Variants in IL32 observed in about 807,000 individuals in gnomAD.
IL32 encodes interleukin 32.
Under a neutral mutation model 16.6 loss-of-function variants are expected in IL32, and 30 were observed. That is an observed-to-expected ratio of 1.81 (90% CI 1.35 to 2.45). The LOEUF is 2.45. Ranked by LOEUF, IL32 falls within the 30% of genes most tolerant of loss-of-function variation. IL32 has a pLI of 0.00. For missense variants in IL32, 234 were observed against 229.8 expected, an observed-to-expected ratio of 1.02 and a Z score of -0.12; for synonymous variants, 70 against 86.1, an observed-to-expected ratio of 0.81 and a Z score of 1.03.
chr16:3,067,637 C>T (rs969298612), intron 4 of IL32, 24 bp downstream of exon 4: 1 of 1,550,964 alleles, frequency 6.4e-7, no homozygotes, highest in Non-Finnish European at 8.9e-7. Context: ...CCCTCAGGCA[C>T]CAGGTCACAT....
intron 6 of IL32, chr16:3,068,640 G>A (rs537690773): frequency 2.4e-4 from 101 of 422,078 alleles, no homozygotes; most frequent in Non-Finnish European, 3.3e-4. Context: ...TGTGGTGTGG[G>A]CAGGGTGTGC....
At position 3,067,575 on chromosome 16, in the gene IL32, T is replaced by C. The variant is rs774782082; in HGVS notation, c.76T>C (p.Tyr26His). 2.6e-5 allele frequency: 42 copies of C among 1,613,870 alleles called. No homozygotes were observed. Among genetic ancestry groups the C allele is most frequent in the Middle Eastern group, 3.3e-4 (2 of 6,084 alleles). The stretch of plus-strand genomic sequence containing the variant: ...ACAGCACCAGGCCATAGAAAGATTT[T>C]ATGATAAAATGCAAAATGCAGAATC... ...ARMHQAIERFYDKMQNAESGR... is the reference protein window; with the variant it reads ...ARMHQAIERFHDKMQNAESGR... Residue 26 changes from tyrosine to histidine, a missense_variant, in exon 4 of 7, where the codon TAT becomes CAT. Tyr to His is a moderately conservative substitution (Grantham distance 83, BLOSUM62 2). Around this residue, in one of 3 missense-constraint regions of IL32, gnomAD observed 137 missense variants for 80.7 expected, o/e 1.70. Coordinates refer to ENST00000525643, the MANE Select transcript of IL32 (RefSeq NM_001376923.1).
Position 3,068,970 on chromosome 16 carries a change from A to C in IL32, c.202-20A>C. On this transcript the variant is annotated intron_variant, in intron 6 of 6. Coordinates refer to ENST00000525643, the MANE Select transcript of IL32 (RefSeq NM_001376923.1). ...TGACACCCCCACCTACAGACCCTGA[A>C]TGGTGCTCCCATTCCACAGGAGCTC... 6.3e-7 allele frequency: 1 copy of C among 1,593,656 alleles called. No homozygotes were observed. Among genetic ancestry groups the C allele is most frequent in the South Asian group, 1.1e-5 (1 of 87,982 alleles).
upstream of IL32, chr16:3,065,519 C>T: frequency 1.1e-5 from 6 of 545,910 alleles, no homozygotes; most frequent in East Asian, 6.2e-5. Flanking sequence ...CTGTCTGTCT[C>T]TGTCTCTGTC....
At chr16:3,067,692 G>C (rs779059587) in intron 4 of IL32, 79 bp downstream of exon 4, 4 of 1,136,804 alleles carry the variant, frequency 3.5e-6, no homozygotes, top group Non-Finnish European at 5.2e-6. Flanking sequence ...CTCAGGGTGA[G>C]AAGGATGAAG....
Position 3,069,379 on chromosome 16 carries a change from T to G in IL32, c.*24T>G. 2 of 1,562,830 alleles carry G rather than the reference T, an allele frequency of 1.3e-6. No homozygotes were observed. Among genetic ancestry groups the G allele is most frequent in the Middle Eastern group, 1.8e-4 (1 of 5,650 alleles). On this transcript the variant is annotated 3_prime_UTR_variant, in exon 7 of 7. Coordinates refer to ENST00000525643, the MANE Select transcript of IL32 (RefSeq NM_001376923.1). Reference sequence around the variant, plus strand: ...GAAGATACTGACACCACCTTTGCCCTCCCCGTCACCGCGCACCCACCCTGA... The same window carrying G: ...GAAGATACTGACACCACCTTTGCCCGCCCCGTCACCGCGCACCCACCCTGA...
chr16:3,067,751 C>A, intron 4 of IL32, 138 bp downstream of exon 4: 1 of 865,982 alleles, frequency 1.2e-6, no homozygotes, highest in South Asian at 1.5e-5. Flanking sequence ...ATGCTTGCAC[C>A]TGGGTGGCAG....
chr16:3,067,626 C>T lies in IL32; in HGVS notation c.114+13C>T, dbSNP rs202247796. 1 of 1,583,772 alleles carries T rather than the reference C, an allele frequency of 6.3e-7. No individual in the cohort carries two copies. Among genetic ancestry groups the T allele is most frequent in the Non-Finnish European group, 8.7e-7 (1 of 1,155,406 alleles). ...AGGACGTGGACAGGTGGGTGGATTT[C>T]CCCTCAGGCACCAGGTCACATGTCC... is the stretch of plus-strand genomic sequence containing the variant. On this transcript the variant is annotated intron_variant, in intron 4 of 6. Transcript: ENST00000525643.
intron 6 of IL32, chr16:3,068,595 G>A: frequency 2.4e-6 from 1 of 409,252 alleles, no homozygotes; most frequent in South Asian, 2.2e-5. Flanking sequence ...ACAGGCATGA[G>A]CCACCGGGCC....
chr16:3,067,271 CTGTGTG>C (rs60859102), intron 2 of IL32, 100 bp from the exon 3 acceptor site: 97,104 of 600,724 alleles, frequency 0.16, 4,360 homozygotes, highest in African/African-American at 0.27. Flanking sequence ...CCATGTGTCT[CTGTGTG>C]TGTGTGTGTG....
chr16:3,069,403 G>C lies in IL32; in HGVS notation c.*48G>C, dbSNP rs1567153025. 9.7e-6 allele frequency: 15 copies of C among 1,540,514 alleles called. No individual in the cohort carries two copies. Among genetic ancestry groups the C allele is most frequent in the Non-Finnish European group, 1.3e-5 (15 of 1,142,930 alleles). ...CTCCCCGTCACCGCGCACCCACCCT[G>C]ACCCCTCCCTCAGCTGTCCTGTGCC... On this transcript the variant is annotated 3_prime_UTR_variant, in exon 7 of 7. Transcript: ENST00000525643.
Position 3,067,818 on chromosome 16 carries a change from C to T in IL32, c.115-166C>T. The T allele has an allele frequency of 3.4e-6, 3 of 886,526 alleles. No individual in the cohort carries two copies. In the South Asian group the frequency reaches 4.5e-5, roughly 13 times the overall value. 54.9% of individuals were successfully genotyped at this position (886,526 alleles called of 1,614,324 possible). On this transcript the variant is annotated intron_variant, in intron 4 of 6. Coordinates refer to ENST00000525643, the MANE Select transcript of IL32 (RefSeq NM_001376923.1). ...GGGAGACTGAGGGAGGCATCCAAGC[C>T]CCAGGGCTCCTTGAGGAAACAACAG...
rs997110107 is a variant in IL32 at position 3,065,702 on chromosome 16, T to A, written c.-29+15T>A. ...GGTCATCTCAGGTGGGGAGTTGGGG[T>A]CCCCGAAGGTGAGGACCCTCTGGGG... On this transcript the variant is annotated intron_variant, in intron 1 of 6. Coordinates refer to ENST00000525643, the MANE Select transcript of IL32 (RefSeq NM_001376923.1). 2.4e-6 allele frequency: 3 copies of A among 1,225,854 alleles called. No individual in the cohort carries two copies. In the Admixed American group the frequency reaches 5.1e-5, roughly 21 times the overall value. The allele number at this position is 1,225,854 out of a possible 1,614,324, so 75.9% of individuals were successfully genotyped here.
At position 3,067,715 on chromosome 16, in the gene IL32, G is replaced by C. The variant is rs370302447; in HGVS notation, c.114+102G>C. On this transcript the variant is annotated intron_variant, in intron 4 of 6. Transcript: ENST00000525643. ...GAGAAGGATGAAGAGGGACCCACAG[G>C]CTCCCTCACCCCTTACCGTGGGCAA... is the stretch of plus-strand genomic sequence containing the variant. 1,804 of 989,088 alleles carry C rather than the reference G, an allele frequency of 1.8e-3. 13 individuals are homozygous for C. Among genetic ancestry groups the C allele is most frequent in the African/African-American group, 0.016 (1,024 of 62,896 alleles). The allele number at this position is 989,088 out of a possible 1,614,324, so 61.3% of individuals were successfully genotyped here. A position where few individuals can be genotyped will look rare whatever the true frequency, so the allele number is the denominator to read the frequency against.
chr16:3,067,354 G>C, intron 2 of IL32, 23 bp from the exon 3 acceptor site: 2 of 1,407,506 alleles, frequency 1.4e-6, no homozygotes, highest in South Asian at 1.3e-5. Context: ...CATGGAGACT[G>C]AGTGTCACCG....
chr16:3,068,558 G>C (rs1042769973), intron 6 of IL32: 53 of 422,310 alleles, frequency 1.3e-4, no homozygotes, highest in Non-Finnish European at 1.8e-4. Context: ...TGTTCCGTCT[G>C]CCTTGGCCTC....
rs543754704 is a variant in IL32, at chr16:3,067,362, C to G, written c.16-15C>G. ...GGTGACACATGGAGACTGAGTGTCA[C>G]CGTTATTTCCGCAGGTCCTCTCTGA... On this transcript the variant is annotated splice_polypyrimidine_tract_variant and intron_variant, in intron 2 of 6. Transcript: ENST00000525643. 6.7e-7 allele frequency: 1 copy of G among 1,493,554 alleles called. No homozygotes were observed. The highest frequency in any genetic ancestry group is 1.4e-5 in the African/African-American group (1 of 70,950). The allele number at this position is 1,493,554 out of a possible 1,614,324, so 92.5% of individuals were successfully genotyped here. A position where few individuals can be genotyped will look rare whatever the true frequency, so the allele number is the denominator to read the frequency against.
chr16:3,068,071 C>T, intron 5 of IL32, 61 bp downstream of exon 5: 4 of 1,609,134 alleles, frequency 2.5e-6, no homozygotes, highest in Non-Finnish European at 3.4e-6. Context: ...CCACAGGACA[C>T]TGGGTCTGGG....
At chr16:3,068,824 G>A (rs1272455862) in intron 6 of IL32, among the ~76,000 whole-genome samples, 166 bp from the exon 7 acceptor site, 1 of 152,128 alleles carries the variant, frequency 6.6e-6, no homozygotes, top group Non-Finnish European at 1.5e-5. Context: ...CAGAGGAGGG[G>A]GACTCTGGGA....
Sources: allele counts gnomAD v4.1 joint callset (sites outside exome capture counted in the v4.1 genomes callset), GRCh38; gene constraint gnomAD v4.1.1; regional missense constraint gnomAD v4.1.1; transcripts MANE v1.5; gene names NCBI Gene and HGNC (gene_info 2026-07-23, HGNC 2026-07-21).